ZFYVE9: variants seen among roughly 807,000 people sequenced by gnomAD.
The protein encoded by ZFYVE9 is zinc finger FYVE-type containing 9.
ZFYVE9 carries 43 observed loss-of-function variants against 126.7 expected under a neutral mutation model. The ratio of observed to expected loss-of-function variants is 0.34; its 90% confidence interval spans 0.27 to 0.44. ZFYVE9 has a LOEUF of 0.44. Ranked by LOEUF, ZFYVE9 falls within the 20% of genes least tolerant of loss-of-function variation. The pLI is 1.00. For synonymous variants in ZFYVE9, 521 were observed against 597.4 expected, an observed-to-expected ratio of 0.87 and a Z score of 1.87; for missense variants, 1,476 against 1,697.0, an observed-to-expected ratio of 0.87 and a Z score of 2.29.
At position 52,281,747 on chromosome 1, in the gene ZFYVE9, C is replaced by G. The variant is rs1284558771; in HGVS notation, c.2956C>G (p.Pro986Ala). 1.2e-6 allele frequency: 2 copies of G among 1,613,982 alleles called. No individual in the cohort carries two copies. Among genetic ancestry groups the G allele is most frequent in the African/African-American group, 2.7e-5 (2 of 74,886 alleles). ...SEIVILLQCL[P>A]DEKCLPKDIF... ...GATAGTCATTCTTCTACAGTGTTTA[C>G]CGGATGAAAAGTGTTTGCCAAAGGA... The change falls in exon 10 of 19, where the codon CCG becomes GCG. Residue 986 changes from proline (P) to alanine (A), a missense_variant. By Grantham distance (27) the Pro-to-Ala change is conservative (BLOSUM62 -1). This residue lies in a region of ZFYVE9 where 669 missense variants were observed against 902.4 expected (regional missense o/e 0.74). Coordinates refer to ENST00000287727, the MANE Select transcript of ZFYVE9 (RefSeq NM_004799.4).
chr1:52,271,281 C>T, intron 7 of ZFYVE9, among the ~76,000 whole-genome samples: 1 of 152,168 alleles, frequency 6.6e-6, no homozygotes, highest in Middle Eastern at 3.2e-3. Flanking sequence ...TCACATTGTG[C>T]AACACTCTAA....
chr1:52,211,589 C>T (rs1318392605), intron 1 of ZFYVE9, among the ~76,000 whole-genome samples: 1 of 152,146 alleles, frequency 6.6e-6, no homozygotes, highest in East Asian at 1.9e-4. Context: ...CGTAGCTACT[C>T]CCAGCCTCAG....
intron 1 of ZFYVE9, among the ~76,000 whole-genome samples, chr1:52,171,746 G>T (rs1025099892): frequency 1.3e-5 from 2 of 152,028 alleles, no homozygotes; most frequent in Non-Finnish European, 2.9e-5. Context: ...TTCTCTGATG[G>T]CCAGTGATGA....
chr1:52,274,131 T>C (rs979896842), intron 7 of ZFYVE9, among the ~76,000 whole-genome samples: 6 of 152,308 alleles, frequency 3.9e-5, no homozygotes, highest in African/African-American at 1.4e-4. Context: ...TTTGTTTCTT[T>C]TGCCACTACA....
chr1:52,346,208 A>C lies in ZFYVE9; in HGVS notation c.4265A>C (p.Glu1422Ala). 1.9e-6 allele frequency: 3 copies of C among 1,601,378 alleles called. No homozygotes were observed. The highest frequency in any genetic ancestry group is 1.7e-6 in the Non-Finnish European group (2 of 1,172,598). ...VVMELIFYILENIV is the reference protein window; with the variant it reads ...VVMELIFYILANIV ...ATGGAACTCATCTTTTATATTCTGG[A>C]AAACATCGTATAAACAGAGAAGACT... Residue 1422 changes from glutamate (E) to alanine (A), a missense_variant, in exon 19 of 19, where the codon GAA becomes GCA. Physicochemically the swap from Glu to Ala is moderately radical, Grantham distance 107. Coordinates refer to ENST00000287727, the MANE Select transcript of ZFYVE9 (RefSeq NM_004799.4).
intron 2 of ZFYVE9, among the ~76,000 whole-genome samples, chr1:52,230,789 G>A (rs188462772): frequency 1.3e-5 from 2 of 152,284 alleles, no homozygotes. Context: ...TTGAACTTCT[G>A]TACTAGTTAT....
At chr1:52,234,044 G>C (rs868086036) in intron 3 of ZFYVE9, among the ~76,000 whole-genome samples, 3 of 152,220 alleles carry the variant, frequency 2.0e-5, no homozygotes, top group African/African-American at 4.8e-5. Context: ...GCCGCCCAAA[G>C]TGCTGGGATT....
intron 7 of ZFYVE9, among the ~76,000 whole-genome samples, chr1:52,272,673 C>CTTTTTTTTTTTTTTTTTTTTTTTTTTTTT (rs58857376): frequency 1.6e-5 from 2 of 121,262 alleles, no homozygotes; most frequent in East Asian, 2.4e-4. Context: ...TAGAAATAAT[C>CTTTTTTTTTTTTTTTTTTTTTTTTTTTTT]TTTTTTTTTT....
At chr1:52,323,223 G>T (rs780667396) in intron 13 of ZFYVE9, among the ~76,000 whole-genome samples, 1 of 152,148 alleles carries the variant, frequency 6.6e-6, no homozygotes, top group Non-Finnish European at 1.5e-5. Context: ...GGCCTTGCAC[G>T]TATCCCCATG....
At chr1:52,287,870 AAATAAT>A (rs1351211421) in intron 10 of ZFYVE9, among the ~76,000 whole-genome samples, 1 of 152,142 alleles carries the variant, frequency 6.6e-6, no homozygotes, top group Non-Finnish European at 1.5e-5. Flanking sequence ...CTATCTTTAA[AAATAAT>A]AATAATATGT....
In ZFYVE9 at chr1:52,253,261, C is replaced by T. The variant is rs76887661; in HGVS notation, c.2179-10512C>T. Among the ~76,000 whole-genome samples, 1,124 of 152,220 alleles carry T rather than the reference C, an allele frequency of 7.4e-3. 15 individuals are homozygous for T. Among genetic ancestry groups the T allele is most frequent in the African/African-American group, 0.026 (1,083 of 41,526 alleles). ...AGTTGGTTATACAGTATCAACTGGC[C>T]AAGTGTCTTTATTATTTACAGCATC... On this transcript the variant is annotated intron_variant, in intron 4 of 18. Transcript: ENST00000287727.
chr1:52,232,065 T>C (rs937924485), intron 2 of ZFYVE9, among the ~76,000 whole-genome samples: 4 of 152,224 alleles, frequency 2.6e-5, no homozygotes, highest in African/African-American at 4.8e-5. Context: ...TCATCACTTA[T>C]TATATTTGAC....
At chr1:52,231,918 C>T (rs377351671) in intron 2 of ZFYVE9, among the ~76,000 whole-genome samples, 52 of 152,212 alleles carry the variant, frequency 3.4e-4, no homozygotes, top group African/African-American at 1.1e-3. Context: ...TGAGCCACGA[C>T]GCCTGGCCGG....
At chr1:52,332,691 T>G in intron 13 of ZFYVE9, 77 bp from the exon 14 acceptor site, 1 of 1,518,456 alleles carries the variant, frequency 6.6e-7, no homozygotes, top group Non-Finnish European at 8.8e-7. Flanking sequence ...GTTTTGTTTT[T>G]GAGAAGATGG....
chr1:52,305,898 G>A (rs1255535813), intron 13 of ZFYVE9, among the ~76,000 whole-genome samples: 9 of 152,176 alleles, frequency 5.9e-5, no homozygotes, highest in African/African-American at 9.7e-5. Flanking sequence ...GTGCCCTGCC[G>A]CCTTGGCCCC....
intron 12 of ZFYVE9, among the ~76,000 whole-genome samples, chr1:52,299,304 A>C (rs1453045355): frequency 6.6e-6 from 1 of 152,170 alleles, no homozygotes; most frequent in Non-Finnish European, 1.5e-5. Flanking sequence ...CATTAGCTCT[A>C]ACAGGTTTTT....
At chr1:52,281,555 C>T in intron 9 of ZFYVE9, 106 bp from the exon 10 acceptor site, 4 of 1,263,434 alleles carry the variant, frequency 3.2e-6, no homozygotes, top group Middle Eastern at 2.7e-4. Flanking sequence ...TCAGTGTGAT[C>T]TATTTTAATC....
rs545928376 is a variant in ZFYVE9 at position 52,330,579 on chromosome 1, A to C, written c.3439-2189A>C. Reference sequence around the variant, plus strand: ...CATGGCATTTGTAAAACTGTCATGCATGGGTGGGAGCGTCATTTAGCATGC... The same window carrying C: ...CATGGCATTTGTAAAACTGTCATGCCTGGGTGGGAGCGTCATTTAGCATGC... On this transcript the variant is annotated intron_variant, in intron 13 of 18. Transcript: ENST00000287727. Among the ~76,000 whole-genome samples, 8 of 152,324 alleles carry C rather than the reference A, an allele frequency of 5.3e-5. No individual in the cohort carries two copies. The South Asian group carries it at 1.7e-3, about 32-fold the overall frequency.
chr1:52,164,840 C>G (rs1644498468), intron 1 of ZFYVE9, among the ~76,000 whole-genome samples: 1 of 152,120 alleles, frequency 6.6e-6, no homozygotes, highest in African/African-American at 2.4e-5. Context: ...AGTGACTCAG[C>G]CTTTCAGGAT....
Sources: gnomAD v4.1 joint callset for allele counts (sites outside exome capture counted in the v4.1 genomes callset) on GRCh38, gnomAD v4.1.1 for gene constraint, gnomAD v4.1.1 regional missense constraint, MANE v1.5 for transcripts, NCBI Gene and HGNC (gene_info 2026-07-23, HGNC 2026-07-21) for gene names.